CAPRIN1: variants seen among roughly 807,000 people sequenced by gnomAD.
CAPRIN1 encodes caprin-1.
Under a neutral mutation model 100.9 loss-of-function variants are expected in CAPRIN1, and 29 were observed. That is an observed-to-expected ratio of 0.29 (90% confidence interval 0.21 to 0.39). The LOEUF (loss-of-function observed/expected upper bound fraction) is 0.39. CAPRIN1 is among the 10% of genes least tolerant of loss of function. CAPRIN1 has a pLI of 1.00. For synonymous variants in CAPRIN1, 338 were observed against 307.5 expected (o/e 1.10, Z -1.04); for missense variants, 795 against 876.7 (o/e 0.91, Z 1.18).
intron 6 of CAPRIN1, 94 bp downstream of exon 6, chr11:34,076,736 G>GTT (rs369382547): frequency 0.045 from 29,405 of 648,000 alleles, 152 homozygotes; most frequent in Non-Finnish European, 0.053. Context: ...AAAAAAATTA[G>GTT]TTTTTTTTTT....
chr11:34,087,523 C>G (rs1247508001), intron 11 of CAPRIN1, among the ~76,000 whole-genome samples: 1 of 128,312 alleles, frequency 7.8e-6, no homozygotes, highest in African/African-American at 3.1e-5. Context: ...TTAGTAGAGA[C>G]GGGGTTTCAC....
intron 11 of CAPRIN1, among the ~76,000 whole-genome samples, chr11:34,089,037 G>A (rs1390559033): frequency 6.6e-6 from 1 of 151,920 alleles, no homozygotes; most frequent in African/African-American, 2.4e-5. Context: ...GGGAGGCTGA[G>A]GTGGGCAGAT....
Position 34,052,468 on chromosome 11 carries a change from A to T in CAPRIN1, c.48A>T (p.Gly16=). The T allele has an allele frequency of 6.2e-7, 1 of 1,605,696 alleles. No individual in the cohort carries two copies. Residue 16 remains glycine (G), a synonymous_variant, in exon 2 of 19, where the codon GGA becomes GGT. Coordinates refer to ENST00000341394, the MANE Select transcript of CAPRIN1 (RefSeq NM_005898.5). The stretch of plus-strand genomic sequence containing the variant: ...GCGGGAGCGGCAGCAAGTCGTCCGG[A>T]CCGCCACCGCCGTCGGGTTCCTCCG... The part of the protein sequence containing the change: ...SHSGSGSKSS[G]PPPPSGSSGS...
At chr11:34,053,136 C>T (rs1214241247) in intron 2 of CAPRIN1, 19 of 989,332 alleles carry the variant, frequency 1.9e-5, no homozygotes, top group African/African-American at 3.5e-5. Flanking sequence ...CGAGACCTGT[C>T]GAGCGTCCCC....
chr11:34,058,548 TAG>T (rs1565082030), intron 2 of CAPRIN1, among the ~76,000 whole-genome samples: 2 of 152,248 alleles, frequency 1.3e-5, no homozygotes, highest in East Asian at 1.9e-4. Context: ...TTCAAATCCT[TAG>T]AGTTTTTCTG....
intron 2 of CAPRIN1, among the ~76,000 whole-genome samples, chr11:34,059,537 G>C (rs941241385): frequency 6.6e-6 from 1 of 152,118 alleles, no homozygotes; most frequent in Non-Finnish European, 1.5e-5. Flanking sequence ...AAAACTTCTT[G>C]ACATTTTTAT....
chr11:34,076,182 G>T, intron 4 of CAPRIN1, 54 bp from the exon 5 acceptor site: 2 of 1,326,124 alleles, frequency 1.5e-6, no homozygotes, highest in South Asian at 2.5e-5. Context: ...GAAATGGATT[G>T]AACTAAGTTT....
chr11:34,060,663 G>A (rs1353264947), intron 2 of CAPRIN1, among the ~76,000 whole-genome samples: 3 of 152,178 alleles, frequency 2.0e-5, no homozygotes, highest in Non-Finnish European at 2.9e-5. Flanking sequence ...AAAGGACGAC[G>A]GTAGAAAGAA....
chr11:34,065,028 C>G (rs936927796), intron 2 of CAPRIN1, among the ~76,000 whole-genome samples: 1 of 141,774 alleles, frequency 7.1e-6, no homozygotes, highest in African/African-American at 2.7e-5. Context: ...GGCGCTATCT[C>G]GGCTCACTGC....
At position 34,067,980 on chromosome 11, in the gene CAPRIN1, G is replaced by A. The variant is rs147394478; in HGVS notation, c.217-3746G>A. Among the ~76,000 whole-genome samples, 63 of 152,224 alleles carry A rather than the reference G, an allele frequency of 4.1e-4. No individual in the cohort carries two copies. In the East Asian group the frequency reaches 7.7e-3, roughly 19 times the overall value. ...GTAACAGATTAATCCAAAATTTAAG[G>A]GATTAAAACCATGATTTTCTTATGC... On this transcript the variant is annotated intron_variant, in intron 2 of 18. Coordinates refer to ENST00000341394, the MANE Select transcript of CAPRIN1 (RefSeq NM_005898.5).
intron 6 of CAPRIN1, among the ~76,000 whole-genome samples, chr11:34,079,021 A>C (rs1056480300): frequency 4.6e-4 from 15 of 32,720 alleles, no homozygotes; most frequent in African/African-American, 9.0e-4. Flanking sequence ...TGCCTAGCAT[A>C]TTGTCTAATG....
At position 34,090,301 on chromosome 11, in the gene CAPRIN1, T is replaced by C; in HGVS notation, c.1404+12T>C. On this transcript the variant is annotated intron_variant, in intron 13 of 18. Transcript: ENST00000341394. ...TTGATCAGATTCAGGCAAGTTCTGT[T>C]ACCGGGTCACATACATTTGATGAGG... 6.4e-7 allele frequency: 1 copy of C among 1,562,174 alleles called. No homozygotes were observed. Among genetic ancestry groups the C allele is most frequent in the Non-Finnish European group, 8.8e-7 (1 of 1,132,992 alleles).
intron 7 of CAPRIN1, among the ~76,000 whole-genome samples, chr11:34,082,395 G>C (rs1480049010): frequency 2.6e-5 from 4 of 152,066 alleles, no homozygotes; most frequent in Admixed American, 2.6e-4. Context: ...CACCAGGTTG[G>C]CTAGGTTGGT....
At position 34,090,316 on chromosome 11, in the gene CAPRIN1, A is replaced by G. The variant is rs777479979; in HGVS notation, c.1404+27A>G. ...CAAGTTCTGTTACCGGGTCACATAC[A>G]TTTGATGAGGCACTTACTCATGAAT... On this transcript the variant is annotated intron_variant, in intron 13 of 18. Coordinates refer to ENST00000341394, the MANE Select transcript of CAPRIN1 (RefSeq NM_005898.5). The G allele has an allele frequency of 3.4e-6, 5 of 1,462,758 alleles. No individual in the cohort carries two copies. The East Asian group carries it at 6.8e-5, about 20-fold the overall frequency. The allele number at this position is 1,462,758 out of a possible 1,614,324, so 90.6% of individuals were successfully genotyped here.
chr11:34,062,434 G>C (rs1020378036), intron 2 of CAPRIN1, among the ~76,000 whole-genome samples: 2 of 152,014 alleles, frequency 1.3e-5, no homozygotes, highest in Non-Finnish European at 2.9e-5. Flanking sequence ...GACCATCTTG[G>C]CTAACACAGT....
At chr11:34,059,271 T>G (rs905763922) in intron 2 of CAPRIN1, among the ~76,000 whole-genome samples, 1 of 134,972 alleles carries the variant, frequency 7.4e-6, no homozygotes, top group Non-Finnish European at 1.6e-5. Flanking sequence ...CTTGACATTG[T>G]TTTTTTTTTT....
intron 2 of CAPRIN1, among the ~76,000 whole-genome samples, chr11:34,057,042 A>C (rs1565081246): frequency 6.6e-6 from 1 of 152,148 alleles, no homozygotes; most frequent in Non-Finnish European, 1.5e-5. Context: ...TGTGCTTAGA[A>C]TTTTCATTGC....
intron 2 of CAPRIN1, among the ~76,000 whole-genome samples, chr11:34,061,057 A>G (rs1240664035): frequency 1.3e-5 from 2 of 152,226 alleles, no homozygotes; most frequent in African/African-American, 4.8e-5. Context: ...CTGCATAATT[A>G]TAACCTTGGA....
rs1269754221 is a variant in CAPRIN1 at position 34,052,402 on chromosome 11, C to G, written c.1-19C>G. 3.8e-6 allele frequency: 6 copies of G among 1,599,312 alleles called. No individual in the cohort carries two copies. The South Asian group carries it at 6.6e-5, about 18-fold the overall frequency. Reference sequence around the variant, plus strand: ...TGTCCTTCCTCCCGCTTTTTCTTCTCTCTCCTTGCGGTCTGAAGATGCCCT... The same window carrying G: ...TGTCCTTCCTCCCGCTTTTTCTTCTGTCTCCTTGCGGTCTGAAGATGCCCT... On this transcript the variant is annotated intron_variant, in intron 1 of 18. Coordinates refer to ENST00000341394, the MANE Select transcript of CAPRIN1 (RefSeq NM_005898.5).
Sources: allele counts gnomAD v4.1 joint callset (sites outside exome capture counted in the v4.1 genomes callset), GRCh38; gene constraint gnomAD v4.1.1; transcripts MANE v1.5; gene names NCBI Gene and HGNC (gene_info 2026-07-23, HGNC 2026-07-21).